Variants in YPEL2 observed in about 807,000 individuals in gnomAD.
YPEL2 encodes yippee like 2.
Under a neutral mutation model 19.1 loss-of-function variants are expected in YPEL2, and 2 were observed. The ratio of observed to expected loss-of-function variants is 0.10; its 90% CI spans 0.04 to 0.33. The LOEUF is 0.33. Ranked by LOEUF, YPEL2 falls within the 10% of genes least tolerant of loss-of-function variation. YPEL2 has a pLI of 1.00. For missense variants in YPEL2, 66 were observed against 140.7 expected (o/e 0.47, Z 2.68); for synonymous variants, 52 against 50.0 (o/e 1.04, Z -0.17).
At chr17:59,370,164 C>T (rs996979339) in intron 2 of YPEL2, among the ~76,000 whole-genome samples, 1 of 152,206 alleles carries the variant, frequency 6.6e-6, no homozygotes, top group African/African-American at 2.4e-5. Context: ...TCACGCCATT[C>T]TCCAGCCTCA....
intron 1 of YPEL2, among the ~76,000 whole-genome samples, chr17:59,337,754 T>C (rs1598022979): frequency 6.6e-6 from 1 of 152,180 alleles, no homozygotes; most frequent in East Asian, 1.9e-4. Flanking sequence ...AGGTATATAC[T>C]GGGTTGGGCA....
intron 2 of YPEL2, among the ~76,000 whole-genome samples, chr17:59,365,604 ACTTT>A (rs1445757697): frequency 2.0e-5 from 3 of 152,186 alleles, no homozygotes; most frequent in Non-Finnish European, 4.4e-5. Context: ...GAAAGAAACC[ACTTT>A]CTTTATCTTG....
At chr17:59,383,924 A>AT (rs1176840586) in intron 2 of YPEL2, among the ~76,000 whole-genome samples, 2 of 152,010 alleles carry the variant, frequency 1.3e-5, no homozygotes, top group African/African-American at 4.8e-5. Context: ...CATTTGAGAC[A>AT]TTTAGGTTGT....
chr17:59,375,821 A>C (rs2047917696), intron 2 of YPEL2, among the ~76,000 whole-genome samples: 1 of 152,230 alleles, frequency 6.6e-6, no homozygotes, highest in Admixed American at 6.5e-5. Context: ...TGAATAGCCT[A>C]AGAGATTTTC....
chr17:59,365,346 G>A (rs2047862969), intron 2 of YPEL2, among the ~76,000 whole-genome samples: 1 of 152,170 alleles, frequency 6.6e-6, no homozygotes, highest in Admixed American at 6.5e-5. Flanking sequence ...AGCTTTCTGG[G>A]GCCTTACCTG....
chr17:59,392,106 A>G (rs1014983614), intron 4 of YPEL2, among the ~76,000 whole-genome samples: 3 of 152,044 alleles, frequency 2.0e-5, no homozygotes, highest in African/African-American at 7.3e-5. Flanking sequence ...AATGTTCTTC[A>G]TTGCTTCTTG....
At chr17:59,340,690 C>G (rs1782193476) in intron 1 of YPEL2, among the ~76,000 whole-genome samples, 1 of 151,662 alleles carries the variant, frequency 6.6e-6, no homozygotes, top group Non-Finnish European at 1.5e-5. Flanking sequence ...GCTGGGATTA[C>G]AGGCGTGAGC....
At chr17:59,380,467 G>T (rs551917356) in intron 2 of YPEL2, among the ~76,000 whole-genome samples, 1 of 151,698 alleles carries the variant, frequency 6.6e-6, no homozygotes, top group Non-Finnish European at 1.5e-5. Flanking sequence ...ACGGGGTTTC[G>T]CCATGTTGGC....
intron 2 of YPEL2, among the ~76,000 whole-genome samples, chr17:59,361,606 A>G (rs2047841089): frequency 6.6e-6 from 1 of 151,992 alleles, no homozygotes. Flanking sequence ...TTACTCAGAT[A>G]GAGATCTTTA....
chr17:59,353,241 T>C lies in YPEL2; in HGVS notation c.-169T>C. The C allele has an allele frequency of 1.7e-6, 1 of 579,868 alleles. No homozygotes were observed. The highest frequency in any genetic ancestry group is 3.1e-6 in the Non-Finnish European group (1 of 325,056). 35.9% of individuals were successfully genotyped at this position (579,868 alleles called of 1,614,324 possible). A position where few individuals can be genotyped will look rare whatever the true frequency, so the allele number is the denominator to read the frequency against. On this transcript the variant is annotated 5_prime_UTR_variant, in exon 2 of 5. Coordinates refer to ENST00000312655, the MANE Select transcript of YPEL2 (RefSeq NM_001005404.4). The surrounding 1 kb of genome is among the most constrained non-coding windows in gnomAD (Gnocchi z 4.8). ...CTGCTGAGAACTAGCCCTAGACCTC[T>C]GCGTGAGGGTTCTTCTGCCGAAGAC...
intron 2 of YPEL2, among the ~76,000 whole-genome samples, chr17:59,362,265 GTTT>G (rs111399720): frequency 7.0e-6 from 1 of 142,528 alleles, no homozygotes; most frequent in Non-Finnish European, 1.5e-5. Context: ...GCATTCTATG[GTTT>G]TTTTTTTTTT....
chr17:59,333,037 AAGTT>A (rs1455022319), intron 1 of YPEL2, among the ~76,000 whole-genome samples: 3 of 152,232 alleles, frequency 2.0e-5, no homozygotes, highest in Non-Finnish European at 4.4e-5. Flanking sequence ...AAGATGCAAG[AAGTT>A]CAGTAAACCG....
chr17:59,389,583 G>T, intron 4 of YPEL2, 115 bp downstream of exon 4: 4 of 756,418 alleles, frequency 5.3e-6, no homozygotes, highest in Non-Finnish European at 8.9e-6. Context: ...TCTTAGACCA[G>T]AATAGTCACC....
intron 2 of YPEL2, among the ~76,000 whole-genome samples, chr17:59,386,914 T>C (rs1040319359): frequency 1.3e-5 from 2 of 152,154 alleles, no homozygotes; most frequent in East Asian, 3.8e-4. Flanking sequence ...TGTATTTGAA[T>C]GTTGGAGGCA....
intron 1 of YPEL2, among the ~76,000 whole-genome samples, chr17:59,348,897 T>A (rs887443252): frequency 7.9e-5 from 12 of 151,964 alleles, no homozygotes; most frequent in African/African-American, 2.4e-4. Flanking sequence ...TAAAAAAAAA[T>A]CAATTTTGGC....
At chr17:59,371,260 C>G (rs535070183) in intron 2 of YPEL2, among the ~76,000 whole-genome samples, 2 of 152,162 alleles carry the variant, frequency 1.3e-5, no homozygotes, top group South Asian at 4.1e-4. Flanking sequence ...GGGGGAAGGT[C>G]GGAGGTGGGC....
At chr17:59,333,412 C>G (rs1351219579) in intron 1 of YPEL2, among the ~76,000 whole-genome samples, 2 of 152,176 alleles carry the variant, frequency 1.3e-5, no homozygotes, top group Non-Finnish European at 2.9e-5. Context: ...GTGCTTGAAC[C>G]AAAATCAAGA....
rs543959143 is a variant in YPEL2 at position 59,397,640 on chromosome 17, C to G, written c.*450C>G. 8.4e-4 allele frequency: 130 copies of G among 155,572 alleles called. No homozygotes were observed. Among genetic ancestry groups the G allele is most frequent in the African/African-American group, 2.8e-3 (115 of 41,604 alleles). 9.6% of individuals were successfully genotyped at this position (155,572 alleles called of 1,614,324 possible). A position where few individuals can be genotyped will look rare whatever the true frequency, so the allele number is the denominator to read the frequency against. ...GGTGGAGGTAGGAACAAAATTGCGC[C>G]GCTCCTGGAGACCTGATAACTTAGG... On this transcript the variant is annotated 3_prime_UTR_variant, in exon 5 of 5. Transcript: ENST00000312655.
At chr17:59,371,335 T>G (rs2047896245) in intron 2 of YPEL2, among the ~76,000 whole-genome samples, 1 of 152,238 alleles carries the variant, frequency 6.6e-6, no homozygotes, top group South Asian at 2.1e-4. Flanking sequence ...AGTATCGTGT[T>G]GGATGGGGCA....
Sources: gnomAD v4.1 joint callset for allele counts (sites outside exome capture counted in the v4.1 genomes callset) on GRCh38, gnomAD v4.1.1 for gene constraint, Gnocchi (gnomAD v3.1) non-coding constraint, MANE v1.5 for transcripts, NCBI Gene and HGNC (gene_info 2026-07-23, HGNC 2026-07-21) for gene names.